The following MTPN variants were observed in gnomAD, a reference collection of about 807,000 sequenced individuals.
The protein encoded by MTPN is myotrophin.
MTPN carries 2 observed loss-of-function variants against 13.5 expected under a neutral mutation model. The observed-to-expected ratio is 0.15, with a 90% CI of 0.06 to 0.47. The LOEUF is 0.47. Among genes scored for constraint, MTPN ranks in the 20% least tolerant of loss-of-function variants. The probability of loss-of-function intolerance (pLI) is 0.97; values close to 1 mark genes in which losing one functional copy is unlikely to be tolerated. For synonymous variants in MTPN, 46 were observed against 51.7 expected (o/e 0.89, Z 0.48); for missense variants, 79 against 137.9 (o/e 0.57, Z 2.14).
At chr7:135,976,770 C>A (rs539934583) in intron 1 of MTPN, among the ~76,000 whole-genome samples, 90 of 152,290 alleles carry the variant, frequency 5.9e-4, no homozygotes, top group Non-Finnish European at 1.1e-3. Context: ...TCCTCCCCTC[C>A]CCCAAGAGGC....
intron 3 of MTPN, among the ~76,000 whole-genome samples, chr7:135,930,835 A>AG (rs1562927739): frequency 6.6e-6 from 1 of 152,092 alleles, no homozygotes; most frequent in African/African-American, 2.4e-5. Flanking sequence ...CTACCATCTG[A>AG]GGGTTCTGTT....
In MTPN at chr7:135,977,259, C is replaced by G. The variant is rs781363842; in HGVS notation, c.-159G>C. The stretch of plus-strand genomic sequence containing the variant: ...CTGCCAGGCGGGCGAGGCAGTTGGC[C>G]GCGGCGACCGTTCGGGCGGGAGAAA... On this transcript the variant is annotated 5_prime_UTR_variant, in exon 1 of 4. Transcript: ENST00000393085. 4.3e-6 allele frequency: 3 copies of G among 704,492 alleles called. No individual in the cohort carries two copies. Among genetic ancestry groups the G allele is most frequent in the African/African-American group, 1.8e-5 (1 of 56,626 alleles). The allele number at this position is 704,492 out of a possible 1,614,324, so 43.6% of individuals were successfully genotyped here.
intron 1 of MTPN, among the ~76,000 whole-genome samples, chr7:135,958,948 T>TA (rs1299786246): frequency 6.6e-6 from 1 of 152,158 alleles, no homozygotes. Context: ...CAGCATGATT[T>TA]CTAACCGATC....
intron 1 of MTPN, among the ~76,000 whole-genome samples, chr7:135,970,411 A>G (rs74299025): frequency 0.079 from 11,991 of 152,246 alleles, 536 homozygotes; most frequent in Admixed American, 0.1. Flanking sequence ...TTACTTTTTA[A>G]AAGTTAGGAG....
chr7:135,969,861 A>T (rs913166800), intron 1 of MTPN, among the ~76,000 whole-genome samples: 1 of 152,224 alleles, frequency 6.6e-6, no homozygotes, highest in Non-Finnish European at 1.5e-5. Flanking sequence ...CAACTAAAAG[A>T]AAAATAAACA....
chr7:135,976,846 T>A (rs1239311292), intron 1 of MTPN, among the ~76,000 whole-genome samples, 183 bp downstream of exon 1: 1 of 152,034 alleles, frequency 6.6e-6, no homozygotes, highest in Non-Finnish European at 1.5e-5. Context: ...GCTACCAAGT[T>A]ACCTGGACCC....
In MTPN at chr7:135,951,628, T is replaced by C; in HGVS notation, c.75A>G (p.Gly25=). Reference sequence around the variant, plus strand: ...CTTCTAGTGTCCGGTTGACATCTTCTCCCTGATAAGAAAACCAAATGAAAA... The same window carrying C: ...CTTCTAGTGTCCGGTTGACATCTTCCCCCTGATAAGAAAACCAAATGAAAA... ...LDEVKDYVAK[G]EDVNRTLEGG... Residue 25 remains glycine, a splice_region_variant and synonymous_variant, in exon 2 of 4, where the codon GGA becomes GGG. Coordinates refer to ENST00000393085, the MANE Select transcript of MTPN (RefSeq NM_145808.4). The C allele has an allele frequency of 6.2e-7, 1 of 1,604,378 alleles. No individual in the cohort carries two copies. The highest frequency in any genetic ancestry group is 8.5e-7 in the Non-Finnish European group (1 of 1,173,480).
chr7:135,944,697 T>C (rs1191646420), intron 3 of MTPN, among the ~76,000 whole-genome samples: 1 of 152,078 alleles, frequency 6.6e-6, no homozygotes, highest in Non-Finnish European at 1.5e-5. Flanking sequence ...CACATGATAG[T>C]GTATTAATAC....
chr7:135,946,586 T>C (rs543134460), intron 3 of MTPN, among the ~76,000 whole-genome samples: 2 of 152,306 alleles, frequency 1.3e-5, no homozygotes, highest in South Asian at 4.1e-4. Flanking sequence ...GACCATGTAG[T>C]TTGCAAAGGC....
intron 3 of MTPN, among the ~76,000 whole-genome samples, chr7:135,938,003 C>T (rs1177150310): frequency 6.6e-6 from 1 of 152,116 alleles, no homozygotes; most frequent in African/African-American, 2.4e-5. Flanking sequence ...GAACAGTAAG[C>T]TATTAGTTTT....
intron 3 of MTPN, among the ~76,000 whole-genome samples, chr7:135,931,821 T>A (rs531711936): frequency 1.3e-5 from 2 of 152,324 alleles, no homozygotes; most frequent in Non-Finnish European, 2.9e-5. Flanking sequence ...TCTTGCTTTT[T>A]AAAATTTTAA....
At chr7:135,939,436 C>G (rs147643994) in intron 3 of MTPN, among the ~76,000 whole-genome samples, 14 of 152,048 alleles carry the variant, frequency 9.2e-5, no homozygotes, top group African/African-American at 2.9e-4. Context: ...GTGAAATCCT[C>G]AGACTCCCTT....
intron 1 of MTPN, among the ~76,000 whole-genome samples, chr7:135,971,177 A>C (rs1799688221): frequency 6.6e-6 from 1 of 152,206 alleles, no homozygotes; most frequent in Middle Eastern, 3.2e-3. Flanking sequence ...AGATGTAATT[A>C]GAATGGAGGC....
At chr7:135,957,791 G>A (rs960027818) in intron 1 of MTPN, among the ~76,000 whole-genome samples, 1 of 152,106 alleles carries the variant, frequency 6.6e-6, no homozygotes, top group Non-Finnish European at 1.5e-5. Context: ...TCTTGTGAGA[G>A]CTGGTGTTAA....
intron 1 of MTPN, among the ~76,000 whole-genome samples, chr7:135,972,231 G>GCGCGCGCACACACACACACACACACA (rs779296906): frequency 3.4e-4 from 43 of 124,712 alleles, no homozygotes; most frequent in African/African-American, 1.2e-3. Context: ...GCACGCGCGC[G>GCGCGCGCACACACACACACACACACA]CACACACACA....
rs1036300033 is a variant in MTPN at position 135,963,142 on chromosome 7, G to A, written c.73-11512C>T. On this transcript the variant is annotated intron_variant, in intron 1 of 3. Transcript: ENST00000393085. ...TTACAAAATTCTATATAGTTGAGTCGATGTCCCCAATAATTTCAGTTACAG... is the reference window on the plus strand; with the variant it reads ...TTACAAAATTCTATATAGTTGAGTCAATGTCCCCAATAATTTCAGTTACAG... Among the ~76,000 whole-genome samples the A allele has an allele frequency of 3.3e-5, 5 of 152,142 alleles. No individual in the cohort carries two copies. In the East Asian group the frequency reaches 7.7e-4, roughly 23 times the overall value.
At chr7:135,971,506 A>C (rs1799693321) in intron 1 of MTPN, among the ~76,000 whole-genome samples, 1 of 152,176 alleles carries the variant, frequency 6.6e-6, no homozygotes, top group African/African-American at 2.4e-5. Flanking sequence ...GGGTATGCTG[A>C]AGTAGTTAAC....
At chr7:135,951,665 T>C in intron 1 of MTPN, 35 bp from the exon 2 acceptor site, 1 of 1,437,768 alleles carries the variant, frequency 7.0e-7, no homozygotes, top group Non-Finnish European at 9.7e-7. Flanking sequence ...AATATTTATA[T>C]GAATGGAAGA....
intron 1 of MTPN, among the ~76,000 whole-genome samples, chr7:135,972,376 T>C (rs977304456): frequency 5.9e-5 from 9 of 152,208 alleles, no homozygotes; most frequent in Non-Finnish European, 1.3e-4. Flanking sequence ...AAAATAAGAT[T>C]ATTACTTATA....
Sources: allele counts gnomAD v4.1 joint callset (sites outside exome capture counted in the v4.1 genomes callset), GRCh38; gene constraint gnomAD v4.1.1; transcripts MANE v1.5; gene names NCBI Gene and HGNC (gene_info 2026-07-23, HGNC 2026-07-21).